Variants in CYB5D2 observed in about 807,000 individuals in gnomAD.
CYB5D2 encodes the protein cytochrome b5 domain containing 2, also known as neuferricin.
A neutral mutation model predicts 22.8 loss-of-function variants in CYB5D2; 23 were observed. That is an observed-to-expected ratio of 1.01 (90% CI 0.73 to 1.43). The LOEUF (loss-of-function observed/expected upper bound fraction) is 1.43, where lower values mean the gene tolerates loss of function less well. CYB5D2 is among the 40% of genes most tolerant of loss of function. CYB5D2 has a pLI of 0.00. For missense variants in CYB5D2, 373 were observed against 357.2 expected, an observed-to-expected ratio of 1.04 and a Z score of -0.36; for synonymous variants, 170 against 152.2, an observed-to-expected ratio of 1.12 and a Z score of -0.86.
rs200936057 is a variant in CYB5D2 at position 4,143,774 on chromosome 17, C to G, written c.19C>G (p.Arg7Gly). 40 of 1,613,810 alleles carry G rather than the reference C, an allele frequency of 2.5e-5. No individual in the cohort carries two copies. In the South Asian group the frequency reaches 4.3e-4, roughly 17 times the overall value. The stretch of plus-strand genomic sequence containing the variant: ...TATATAGATGTTGAGGTGCGGAGGC[C>G]GTGGGCTTTTGTTGGGCCTGGCTGT... MLRCGG[R>G]GLLLGLAVAA... The change falls in exon 1 of 4, where the codon CGT (arginine) becomes GGT (glycine). Residue 7 changes from arginine (R) to glycine (G), a missense_variant. Physicochemically the swap from Arg to Gly is moderately radical, Grantham distance 125. Coordinates refer to ENST00000301391, the MANE Select transcript of CYB5D2 (RefSeq NM_144611.4).
chr17:4,144,237 G>A (rs1208673026), intron 1 of CYB5D2, among the ~76,000 whole-genome samples: 2 of 152,096 alleles, frequency 1.3e-5, no homozygotes, highest in Admixed American at 6.5e-5. Flanking sequence ...GACTTACATT[G>A]GAGAAACATG....
chr17:4,155,192 T>G (rs2059101167), intron 3 of CYB5D2, among the ~76,000 whole-genome samples: 1 of 152,174 alleles, frequency 6.6e-6, no homozygotes, highest in Non-Finnish European at 1.5e-5. Flanking sequence ...TTTCTTGCTT[T>G]CTTTGGCCTG....
chr17:4,145,718 G>A (rs987889459), intron 1 of CYB5D2, among the ~76,000 whole-genome samples: 2 of 152,172 alleles, frequency 1.3e-5, no homozygotes, highest in African/African-American at 4.8e-5. Flanking sequence ...TTATGTCCAC[G>A]TATTCGTTCA....
chr17:4,143,888 C>T lies in CYB5D2; in HGVS notation c.133C>T (p.Arg45Cys), dbSNP rs1205035324. 1.2e-6 allele frequency: 2 copies of T among 1,613,908 alleles called. No individual in the cohort carries two copies. The highest frequency in any genetic ancestry group is 1.7e-6 in the Non-Finnish European group (2 of 1,180,030). The change falls in exon 1 of 4, where the codon CGC becomes TGC. Residue 45 changes from arginine to cysteine, a missense_variant. Coordinates refer to ENST00000301391, the MANE Select transcript of CYB5D2 (RefSeq NM_144611.4). Reference protein sequence around the residue: ...FRLFIPEELSRYRGGPGDPGL... With the variant: ...FRLFIPEELSCYRGGPGDPGL... ...CCTTTTCATACCGGAGGAGCTGTCT[C>T]GCTACCGCGGCGGCCCAGGGGACCC...
intron 3 of CYB5D2, 22 bp from the exon 4 acceptor site, chr17:4,156,844 T>G: frequency 1.9e-6 from 3 of 1,611,804 alleles, no homozygotes; most frequent in Non-Finnish European, 2.5e-6. Flanking sequence ...ATTTAAGAAG[T>G]CCTCTTTCCG....
At chr17:4,144,103 C>A (rs143729771) in intron 1 of CYB5D2, 98 bp downstream of exon 1, 2 of 1,436,042 alleles carry the variant, frequency 1.4e-6, no homozygotes, top group Non-Finnish European at 1.9e-6. Context: ...TTTCCCCCCC[C>A]ATCCCCACCC....
At chr17:4,154,054 C>G (rs1234392292) in intron 2 of CYB5D2, among the ~76,000 whole-genome samples, 1 of 152,208 alleles carries the variant, frequency 6.6e-6, no homozygotes, top group African/African-American at 2.4e-5. Context: ...CATTAGGACC[C>G]TGGGCTGAGA....
intron 2 of CYB5D2, among the ~76,000 whole-genome samples, chr17:4,153,529 A>T (rs1992159): frequency 6.6e-6 from 1 of 152,204 alleles, no homozygotes; most frequent in African/African-American, 2.4e-5. Context: ...TTAATCAGGC[A>T]TCGGAGAGCC....
chr17:4,143,896 C>T lies in CYB5D2; in HGVS notation c.141C>T (p.Arg47=), dbSNP rs753560577. 6.9e-5 allele frequency: 112 copies of T among 1,613,894 alleles called. No individual in the cohort carries two copies. The highest frequency in any genetic ancestry group is 8.6e-5 in the Non-Finnish European group (101 of 1,180,042). The change falls in exon 1 of 4, where the codon CGC becomes CGT. Residue 47 remains arginine, a synonymous_variant. Transcript: ENST00000301391. ...LFIPEELSRY[R]GGPGDPGLYL... is the part of the protein sequence containing the mutation. Reference sequence around the variant, plus strand: ...TACCGGAGGAGCTGTCTCGCTACCGCGGCGGCCCAGGGGACCCGGGCCTGT... The same window carrying T: ...TACCGGAGGAGCTGTCTCGCTACCGTGGCGGCCCAGGGGACCCGGGCCTGT...
intron 2 of CYB5D2, among the ~76,000 whole-genome samples, chr17:4,151,779 C>A (rs1000496539): frequency 2.0e-5 from 3 of 150,794 alleles, no homozygotes; most frequent in East Asian, 2.0e-4. Context: ...CTGAGGTGGT[C>A]GGATCAGTTG....
intron 2 of CYB5D2, among the ~76,000 whole-genome samples, chr17:4,153,081 A>T (rs1023313903): frequency 2.6e-5 from 4 of 152,164 alleles, no homozygotes; most frequent in African/African-American, 7.2e-5. Context: ...CCTGGCGCTA[A>T]GCTGTTCTGA....
At chr17:4,149,699 T>C (rs1340100312) in intron 1 of CYB5D2, among the ~76,000 whole-genome samples, 192 bp from the exon 2 acceptor site, 26 of 152,132 alleles carry the variant, frequency 1.7e-4, no homozygotes, top group Admixed American at 1.7e-3. Flanking sequence ...CTCTGGAGGC[T>C]GAAGCAGGAG....
In CYB5D2 at chr17:4,154,813, G is replaced by T; in HGVS notation, c.531G>T (p.Ala177=). 1.2e-6 allele frequency: 2 copies of T among 1,614,164 alleles called. No homozygotes were observed. The highest frequency in any genetic ancestry group is 1.1e-5 in the South Asian group (1 of 91,082). ...AGCAGACATTCCCGCCGTGCAACGC[G>T]GAGTGGAGCTCAGCCAGGGGCAGCC... The part of the protein sequence containing the change: ...QEKQTFPPCN[A]EWSSARGSRL... The change falls in exon 3 of 4, where the codon GCG becomes GCT. Residue 177 remains alanine (A), a synonymous_variant. Transcript: ENST00000301391.
At chr17:4,150,387 G>T (rs1171201683) in intron 2 of CYB5D2, among the ~76,000 whole-genome samples, 2 of 152,188 alleles carry the variant, frequency 1.3e-5, no homozygotes, top group Non-Finnish European at 2.9e-5. Flanking sequence ...AGGGCTTGAA[G>T]CCTGAATTTG....
At chr17:4,147,095 A>G (rs1355155628) in intron 1 of CYB5D2, among the ~76,000 whole-genome samples, 3 of 152,142 alleles carry the variant, frequency 2.0e-5, no homozygotes, top group East Asian at 3.9e-4. Flanking sequence ...TAATGCCACT[A>G]TGTACATTCA....
chr17:4,150,170 G>T, intron 2 of CYB5D2, 139 bp downstream of exon 2: 2 of 1,111,888 alleles, frequency 1.8e-6, no homozygotes, highest in Admixed American at 2.1e-5. Context: ...CTGGTCGTTA[G>T]AATAGGGATG....
intron 1 of CYB5D2, among the ~76,000 whole-genome samples, chr17:4,144,341 A>T (rs1162453085): frequency 6.6e-6 from 1 of 152,088 alleles, no homozygotes; most frequent in Non-Finnish European, 1.5e-5. Context: ...GGCACAGATA[A>T]ACGAGATCCC....
intron 2 of CYB5D2, 104 bp from the exon 3 acceptor site, chr17:4,154,570 C>T: frequency 3.7e-6 from 5 of 1,343,920 alleles, no homozygotes; most frequent in Non-Finnish European, 5.1e-6. Context: ...TAAACGCGCA[C>T]CAGCAGGACT....
At chr17:4,147,567 G>C (rs2059006306) in intron 1 of CYB5D2, among the ~76,000 whole-genome samples, 1 of 152,152 alleles carries the variant, frequency 6.6e-6, no homozygotes, top group African/African-American at 2.4e-5. Context: ...AAAGAACGTG[G>C]CAGTGGCCAG....
Sources: gnomAD v4.1 joint callset for allele counts (sites outside exome capture counted in the v4.1 genomes callset) on GRCh38, gnomAD v4.1.1 for gene constraint, MANE v1.5 for transcripts, NCBI Gene and HGNC (gene_info 2026-07-23, HGNC 2026-07-21) for gene names.